KIAA0825: variants seen among roughly 807,000 people sequenced by gnomAD.
KIAA0825 encodes uncharacterized protein KIAA0825.
KIAA0825 carries 119 observed loss-of-function variants against 147.6 expected under a neutral mutation model. The ratio of observed to expected loss-of-function variants is 0.81; its 90% confidence interval spans 0.69 to 0.94. The LOEUF is 0.94. KIAA0825 is among the 40% of genes least tolerant of loss of function. The pLI, the probability that KIAA0825 is intolerant of heterozygous loss-of-function variation, is 0.00. For missense variants in KIAA0825, 1,381 were observed against 1,472.7 expected (o/e 0.94, Z 1.02); for synonymous variants, 470 against 518.1 (o/e 0.91, Z 1.26).
intron 3 of KIAA0825, among the ~76,000 whole-genome samples, chr5:94,529,159 C>T (rs558016211): frequency 1.5e-4 from 23 of 148,640 alleles, no homozygotes; most frequent in Middle Eastern, 3.6e-3. Context: ...AGGAGGTAGG[C>T]ATACAGCAAA....
At chr5:94,280,690 C>G (rs949194681) in intron 20 of KIAA0825, among the ~76,000 whole-genome samples, 4 of 152,042 alleles carry the variant, frequency 2.6e-5, no homozygotes, top group Non-Finnish European at 5.9e-5. Context: ...GCTAGTGCCA[C>G]TGTAATATTT....
Position 94,496,187 on chromosome 5 carries a change from A to G in KIAA0825, c.971-11257T>C, listed in dbSNP as rs553325702. Reference sequence around the variant, plus strand: ...TTTTGGTGCAGTTGGCAAGCTAAACATGGCTTTTCTCTTTGTAAACGGATG... The same window carrying G: ...TTTTGGTGCAGTTGGCAAGCTAAACGTGGCTTTTCTCTTTGTAAACGGATG... On this transcript the variant is annotated intron_variant, in intron 5 of 20. Transcript: ENST00000682413. Among the ~76,000 whole-genome samples, 43 of 152,324 alleles carry G rather than the reference A, an allele frequency of 2.8e-4. No homozygotes were observed. The South Asian group carries it at 8.1e-3, about 29-fold the overall frequency.
intron 1 of KIAA0825, among the ~76,000 whole-genome samples, chr5:94,586,650 C>T (rs561826074): frequency 1.3e-5 from 2 of 152,266 alleles, no homozygotes; most frequent in East Asian, 1.9e-4. Flanking sequence ...TGAGACTATT[C>T]CAATCAATAG....
intron 12 of KIAA0825, among the ~76,000 whole-genome samples, chr5:94,453,644 C>G (rs1030751972): frequency 2.6e-5 from 4 of 151,990 alleles, no homozygotes; most frequent in African/African-American, 9.7e-5. Flanking sequence ...TTTTTACGAA[C>G]CTCTATAAAA....
At chr5:94,467,233 T>A (rs1760663434) in intron 10 of KIAA0825, among the ~76,000 whole-genome samples, 1 of 152,248 alleles carries the variant, frequency 6.6e-6, no homozygotes, top group South Asian at 2.1e-4. Flanking sequence ...AACTTCAATG[T>A]ATGCAAGGGT....
chr5:94,156,162 T>C (rs1417497688), intron 20 of KIAA0825, among the ~76,000 whole-genome samples: 2 of 152,228 alleles, frequency 1.3e-5, no homozygotes, highest in Admixed American at 1.3e-4. Flanking sequence ...TAAACTGAGG[T>C]ACAGAATGTT....
intron 20 of KIAA0825, among the ~76,000 whole-genome samples, chr5:94,374,187 A>G (rs1747178466): frequency 6.6e-6 from 1 of 152,240 alleles, no homozygotes; most frequent in Non-Finnish European, 1.5e-5. Context: ...ATTAGGTAGA[A>G]GAAAATTGAT....
intron 11 of KIAA0825, among the ~76,000 whole-genome samples, chr5:94,464,354 T>A (rs1009669817): frequency 2.0e-5 from 3 of 152,152 alleles, no homozygotes; most frequent in Non-Finnish European, 4.4e-5. Flanking sequence ...GAACTGGCTG[T>A]TAGTAACAAA....
At chr5:94,535,487 G>A in intron 3 of KIAA0825, among the ~76,000 whole-genome samples, 1 of 123,700 alleles carries the variant, frequency 8.1e-6, no homozygotes, top group East Asian at 2.6e-4. Flanking sequence ...TCCAGCCTGG[G>A]TGACTCAAAA....
At chr5:94,548,437 A>T (rs1023668508) in intron 2 of KIAA0825, among the ~76,000 whole-genome samples, 1 of 152,186 alleles carries the variant, frequency 6.6e-6, no homozygotes, top group African/African-American at 2.4e-5. Flanking sequence ...AATGCAAGAA[A>T]TTAAATCAGA....
chr5:94,296,442 C>T (rs1257749819), intron 20 of KIAA0825, among the ~76,000 whole-genome samples: 1 of 152,096 alleles, frequency 6.6e-6, no homozygotes, highest in African/African-American at 2.4e-5. Flanking sequence ...CCAGGCGCCA[C>T]TGGGGTATGA....
At chr5:94,375,301 G>T (rs1294998062) in intron 20 of KIAA0825, among the ~76,000 whole-genome samples, 1 of 152,022 alleles carries the variant, frequency 6.6e-6, no homozygotes, top group Non-Finnish European at 1.5e-5. Flanking sequence ...AAAGCTCTGG[G>T]ATTACAAGCG....
intron 14 of KIAA0825, among the ~76,000 whole-genome samples, chr5:94,420,237 C>T (rs115951197): frequency 2.7e-3 from 418 of 152,032 alleles, no homozygotes; most frequent in African/African-American, 7.6e-3. Flanking sequence ...AATCATGCAA[C>T]GGAAATGCAC....
At chr5:94,283,723 A>G (rs1056311162) in intron 20 of KIAA0825, among the ~76,000 whole-genome samples, 1 of 152,194 alleles carries the variant, frequency 6.6e-6, no homozygotes, top group Admixed American at 6.6e-5. Context: ...GAGTCCAATT[A>G]GTATTTTAAA....
At chr5:94,277,580 T>C (rs1245887633) in intron 20 of KIAA0825, among the ~76,000 whole-genome samples, 3 of 152,140 alleles carry the variant, frequency 2.0e-5, no homozygotes, top group African/African-American at 7.2e-5. Context: ...CCAGTTAGAA[T>C]GGTGATCATT....
chr5:94,173,105 T>A (rs1768784172), intron 20 of KIAA0825, among the ~76,000 whole-genome samples: 1 of 152,122 alleles, frequency 6.6e-6, no homozygotes, highest in Admixed American at 6.6e-5. Context: ...ATTAAGCAAG[T>A]GTGAGACAAT....
chr5:94,310,680 A>G (rs1779083044), intron 20 of KIAA0825, among the ~76,000 whole-genome samples: 1 of 151,704 alleles, frequency 6.6e-6, no homozygotes, highest in South Asian at 2.1e-4. Context: ...GGGTAAAGCT[A>G]TCTGCAGGAA....
intron 20 of KIAA0825, among the ~76,000 whole-genome samples, chr5:94,190,474 C>G (rs181631331): frequency 6.6e-6 from 1 of 151,316 alleles, no homozygotes; most frequent in Non-Finnish European, 1.5e-5. Context: ...TACAGGCGCC[C>G]GCCACCACGC....
intron 20 of KIAA0825, among the ~76,000 whole-genome samples, chr5:94,274,232 A>G (rs1028231285): frequency 2.6e-5 from 4 of 152,144 alleles, no homozygotes; most frequent in African/African-American, 9.6e-5. Context: ...AGTTTTTGAC[A>G]TAAGGCTGGT....
Sources: allele counts gnomAD v4.1 joint callset (sites outside exome capture counted in the v4.1 genomes callset), GRCh38; gene constraint gnomAD v4.1.1; transcripts MANE v1.5; gene names NCBI Gene and HGNC (gene_info 2026-07-23, HGNC 2026-07-21).